The following ZFHX4 variants were observed in gnomAD, a reference collection of about 807,000 sequenced individuals.
ZFHX4 encodes the protein zinc finger homeobox protein 4.
ZFHX4 carries 56 observed loss-of-function variants against 267.6 expected under a neutral mutation model. The observed-to-expected ratio is 0.21, with a 90% CI of 0.17 to 0.26. The LOEUF (loss-of-function observed/expected upper bound fraction) is 0.26, where lower values mean the gene tolerates loss of function less well. Among genes scored for constraint, ZFHX4 ranks in the 10% least tolerant of loss-of-function variants. The pLI is 1.00. For missense variants in ZFHX4, 4,332 were observed against 4,420.0 expected (o/e 0.98, Z 0.56); for synonymous variants, 1,778 against 1,665.6 (o/e 1.07, Z -1.64).
chr8:76,797,331 T>C lies in ZFHX4; in HGVS notation c.3325+18892T>C, dbSNP rs2131818982. Among the ~76,000 whole-genome samples, 3 of 152,356 alleles carry C rather than the reference T, an allele frequency of 2.0e-5. No individual in the cohort carries two copies. In the South Asian group the frequency reaches 6.2e-4, roughly 32 times the overall value. On this transcript the variant is annotated intron_variant, in intron 4 of 10. Coordinates refer to ENST00000651372, the MANE Select transcript of ZFHX4 (RefSeq NM_024721.5). ...ACAAGTGTTTTTAGAAAAGCGCTGA[T>C]AAACCTAAAAAGAGATTTCATATGT...
chr8:76,844,234 C>T (rs1295010366), intron 6 of ZFHX4, among the ~76,000 whole-genome samples: 1 of 152,106 alleles, frequency 6.6e-6, no homozygotes, highest in Non-Finnish European at 1.5e-5. Context: ...TAGCTGCTTG[C>T]CTGGTTCAGA....
intron 3 of ZFHX4, among the ~76,000 whole-genome samples, chr8:76,717,850 G>A (rs1343445900): frequency 6.6e-6 from 1 of 152,130 alleles, no homozygotes; most frequent in African/African-American, 2.4e-5. Flanking sequence ...GCCCCCCTCA[G>A]CCTCCCACAG....
At position 76,862,649 on chromosome 8, in the gene ZFHX4, C is replaced by T. The variant is rs961831076; in HGVS notation, c.9380-445C>T. On this transcript the variant is annotated intron_variant, in intron 10 of 10. Transcript: ENST00000651372. ...TTGATAGCTAATTACTTTTAGTGAACGTGGTAATTATCAAACTGCTCAAGT... is the reference window on the plus strand; with the variant it reads ...TTGATAGCTAATTACTTTTAGTGAATGTGGTAATTATCAAACTGCTCAAGT... Among the ~76,000 whole-genome samples, 4 of 152,050 alleles carry T rather than the reference C, an allele frequency of 2.6e-5. 1 individual carries two copies. The highest frequency in any genetic ancestry group is 4.1e-4 in the South Asian group (2 of 4,822).
intron 3 of ZFHX4, among the ~76,000 whole-genome samples, chr8:76,714,677 T>C (rs1220952631): frequency 6.6e-6 from 1 of 152,224 alleles, no homozygotes; most frequent in Non-Finnish European, 1.5e-5. Flanking sequence ...CTGGTAAATA[T>C]AGAAGCACTT....
intron 4 of ZFHX4, among the ~76,000 whole-genome samples, chr8:76,794,593 T>A (rs1360899465): frequency 6.6e-6 from 1 of 152,140 alleles, no homozygotes; most frequent in African/African-American, 2.4e-5. Context: ...CTCTACATGA[T>A]AAAACCAAGC....
At chr8:76,695,055 C>G (rs1053035853) in intron 1 of ZFHX4, among the ~76,000 whole-genome samples, 1 of 151,638 alleles carries the variant, frequency 6.6e-6, no homozygotes, top group Non-Finnish European at 1.5e-5. Context: ...AGATTTAGCT[C>G]CAGGGAAATA....
intron 3 of ZFHX4, among the ~76,000 whole-genome samples, chr8:76,760,974 C>T (rs569072298): frequency 6.7e-6 from 1 of 150,068 alleles, no homozygotes; most frequent in African/African-American, 2.4e-5. Context: ...TAGCCTGGCT[C>T]TCTATTGAGA....
intron 3 of ZFHX4, among the ~76,000 whole-genome samples, chr8:76,711,119 A>T (rs1808411164): frequency 6.6e-6 from 1 of 152,186 alleles, no homozygotes; most frequent in African/African-American, 2.4e-5. Flanking sequence ...ATGGACTCAA[A>T]AAAAAGAATA....
At chr8:76,856,597 A>G (rs924546218) in intron 10 of ZFHX4, among the ~76,000 whole-genome samples, 4 of 152,142 alleles carry the variant, frequency 2.6e-5, no homozygotes, top group Non-Finnish European at 5.9e-5. Flanking sequence ...ACTAATTTCA[A>G]TCTTGATTTC....
chr8:76,851,013 C>T lies in ZFHX4; in HGVS notation c.4092C>T (p.Ser1364=). The T allele has an allele frequency of 6.2e-7, 1 of 1,613,830 alleles. No individual in the cohort carries two copies. The highest frequency in any genetic ancestry group is 8.5e-7 in the Non-Finnish European group (1 of 1,179,844). The change falls in exon 10 of 11, where the codon AGC becomes AGT. Residue 1364 remains serine, a synonymous_variant. Coordinates refer to ENST00000651372, the MANE Select transcript of ZFHX4 (RefSeq NM_024721.5). ...PLEVSEWNKN[S]SKDVKIPDTL... is the part of the protein sequence containing the mutation. Reference sequence around the variant, plus strand: ...AAGTCTCAGAATGGAATAAAAATAGCAGTAAGGATGTGAAAATCCCCGACA... The same window carrying T: ...AAGTCTCAGAATGGAATAAAAATAGTAGTAAGGATGTGAAAATCCCCGACA...
chr8:76,757,615 C>T (rs1027710314), intron 3 of ZFHX4, among the ~76,000 whole-genome samples: 7 of 152,282 alleles, frequency 4.6e-5, no homozygotes, highest in African/African-American at 1.7e-4. Context: ...ACACCCCAAC[C>T]GCTCTCCCTT....
chr8:76,740,852 A>C (rs573181097), intron 3 of ZFHX4, among the ~76,000 whole-genome samples: 1 of 152,300 alleles, frequency 6.6e-6, no homozygotes, highest in African/African-American at 2.4e-5. Flanking sequence ...CAATGAGTAC[A>C]GTTTGTAGCA....
intron 3 of ZFHX4, among the ~76,000 whole-genome samples, chr8:76,733,147 G>A (rs189945237): frequency 1.3e-5 from 2 of 152,246 alleles, no homozygotes; most frequent in South Asian, 2.1e-4. Context: ...CGGTTTGGGG[G>A]ATGGGATTGT....
chr8:76,683,964 C>A (rs962400533), intron 1 of ZFHX4: 1 of 151,664 alleles, frequency 6.6e-6, no homozygotes, highest in African/African-American at 2.4e-5. Flanking sequence ...GGGTATGTAA[C>A]ACTCTCGGTG....
At chr8:76,731,475 C>T (rs1234306357) in intron 3 of ZFHX4, among the ~76,000 whole-genome samples, 1 of 152,114 alleles carries the variant, frequency 6.6e-6, no homozygotes, top group African/African-American at 2.4e-5. Context: ...TAATTGAAGG[C>T]ATTTATCTTC....
intron 6 of ZFHX4, among the ~76,000 whole-genome samples, chr8:76,843,020 C>T (rs866150469): frequency 2.0e-5 from 3 of 152,188 alleles, no homozygotes; most frequent in Non-Finnish European, 4.4e-5. Flanking sequence ...AAGAATATTA[C>T]AGGACGACCA....
chr8:76,746,973 A>G (rs925234927), intron 3 of ZFHX4, among the ~76,000 whole-genome samples: 8 of 152,228 alleles, frequency 5.3e-5, no homozygotes, highest in Non-Finnish European at 7.3e-5. Flanking sequence ...GAATTCTGAC[A>G]TGTTAAGGAA....
At chr8:76,778,504 C>CACACAA in intron 4 of ZFHX4, 65 bp downstream of exon 4, 1 of 1,227,356 alleles carries the variant, frequency 8.1e-7, no homozygotes, top group African/African-American at 1.5e-5. Flanking sequence ...CACACACACA[C>CACACAA]ACACAAACAC....
At chr8:76,757,354 G>A (rs1809791531) in intron 3 of ZFHX4, among the ~76,000 whole-genome samples, 2 of 152,248 alleles carry the variant, frequency 1.3e-5, no homozygotes, top group South Asian at 4.2e-4. Flanking sequence ...GGTAAAAAGG[G>A]ACTTGTGCCT....
Sources: gnomAD v4.1 joint callset for allele counts (sites outside exome capture counted in the v4.1 genomes callset) on GRCh38, gnomAD v4.1.1 for gene constraint, MANE v1.5 for transcripts, NCBI Gene and HGNC (gene_info 2026-07-23, HGNC 2026-07-21) for gene names.